The following POMGNT1 variants were observed in gnomAD, a reference collection of about 807,000 sequenced individuals.
POMGNT1 encodes the protein protein O-linked-mannose beta-1,2-N-acetylglucosaminyltransferase 1.
In POMGNT1, 67 loss-of-function variants were observed where a neutral mutation model predicts 95.6. That is an observed-to-expected ratio of 0.70 (90% CI 0.58 to 0.86). The LOEUF is 0.86. Ranked by LOEUF, POMGNT1 falls within the 40% of genes least tolerant of loss-of-function variation. The pLI is 0.00. For synonymous variants in POMGNT1, 298 were observed against 317.9 expected, an observed-to-expected ratio of 0.94 and a Z score of 0.66; for missense variants, 719 against 855.2, an observed-to-expected ratio of 0.84 and a Z score of 1.99.
In POMGNT1 at chr1:46,210,071, C is replaced by T. The variant is rs12239411; in HGVS notation, c.-51+9634G>A. On this transcript the variant is annotated intron_variant, in intron 1 of 22. Coordinates refer to the POMGNT1 transcript ENST00000371992. ...ATTGCAGTTATTTATGTTCATCTCC[C>T]CTTATTGAGACTGCAAGCTTCTATT... 8.3e-3 allele frequency among the ~76,000 whole-genome samples: 1,264 copies of T among 152,154 alleles called. 21 individuals carry two copies. Among genetic ancestry groups the T allele is most frequent in the Middle Eastern group, 0.037 (11 of 294 alleles).
rs943849237 is a variant in POMGNT1, at chr1:46,194,033, G to A, written c.880-108C>T. On this transcript the variant is annotated intron_variant, in intron 9 of 21. Transcript: ENST00000371984. Reference sequence around the variant, plus strand: ...GGTAGGTGCAGACTGGAGTAGACAGGGAAGGGATAGAGGATCTTCCCTGTT... The same window carrying A: ...GGTAGGTGCAGACTGGAGTAGACAGAGAAGGGATAGAGGATCTTCCCTGTT... The A allele has an allele frequency of 4.5e-6, 7 of 1,565,410 alleles. No individual in the cohort carries two copies. The African/African-American group carries it at 8.1e-5, about 18-fold the overall frequency.
intron 2 of POMGNT1, 67 bp from the exon 3 acceptor site, chr1:46,197,151 G>A: frequency 6.2e-7 from 1 of 1,611,704 alleles, no homozygotes; most frequent in Non-Finnish European, 8.5e-7. Flanking sequence ...CTTTCTGAAA[G>A]GAGGGCCCTG....
chr1:46,219,733 A>G lies in POMGNT1; in HGVS notation c.-79T>C, dbSNP rs140465444. 9.0e-4 allele frequency: 1,439 copies of G among 1,607,056 alleles called. 9 individuals carry two copies. The African/African-American group carries it at 0.016, about 18-fold the overall frequency. On this transcript the variant is annotated 5_prime_UTR_variant, in exon 1 of 23. Transcript: ENST00000371992. The stretch of plus-strand genomic sequence containing the variant: ...CGAGCCATCGATGTGAAGATCCTGC[A>G]GCAGCTGGTGACCTTGAATGAGGGC...
intron 1 of POMGNT1, among the ~76,000 whole-genome samples, chr1:46,216,043 C>CTTTTTTTTTT (rs141982741): frequency 3.6e-4 from 33 of 92,542 alleles, no homozygotes; most frequent in African/African-American, 5.2e-4. Flanking sequence ...TTTATTTTAT[C>CTTTTTTTTTT]TTTTTTTTTT....
In POMGNT1 at chr1:46,189,629, C is replaced by T. The variant is rs74585778; in HGVS notation, c.1786-62G>A. The T allele has an allele frequency of 5.0e-4, 781 of 1,568,440 alleles. 7 individuals are homozygous for T. The East Asian group carries it at 0.011, about 23-fold the overall frequency. On this transcript the variant is annotated intron_variant, in intron 20 of 21. Transcript: ENST00000371984. ...GAGAGCTGTAGGGAGGGGTCACTGA[C>T]GACCCTTTGGCCCAGCCCCCACCCC...
intron 1 of POMGNT1, among the ~76,000 whole-genome samples, chr1:46,207,240 C>G (rs2148238651): frequency 6.6e-6 from 1 of 152,226 alleles, no homozygotes; most frequent in South Asian, 2.1e-4. Flanking sequence ...GCCACCACAC[C>G]TAGCTAGCTT....
upstream of POMGNT1, chr1:46,198,527 C>T (rs1658419798): frequency 6.8e-6 from 1 of 146,460 alleles, no homozygotes; most frequent in Non-Finnish European, 1.4e-5. Flanking sequence ...AGGGCGGCGG[C>T]GGCGGCGGCG....
At chr1:46,190,624 G>C in intron 18 of POMGNT1, 96 bp downstream of exon 18, 1 of 1,530,772 alleles carries the variant, frequency 6.5e-7, no homozygotes, top group South Asian at 1.1e-5. Context: ...CCGCAGGGCT[G>C]GAGTAAACAC....
Position 46,194,640 on chromosome 1 carries a change from C to T in POMGNT1, c.664G>A (p.Gly222Arg), listed in dbSNP as rs146965084. ...FVGRKGGPVF[G>R]EKHSKSPALS... ...GCAGGTGATTTAGAATGTTTCTCCC[C>T]GAAGACAGGACCTGGCAGGAGGCAG... Residue 222 changes from glycine to arginine, a missense_variant, in exon 8 of 22, where the codon GGG becomes AGG. By Grantham distance (125) the Gly-to-Arg change is moderately radical (BLOSUM62 -2). Transcript: ENST00000371984. 2.4e-5 allele frequency: 38 copies of T among 1,614,096 alleles called. No homozygotes were observed. Among genetic ancestry groups the T allele is most frequent in the Middle Eastern group, 1.6e-4 (1 of 6,084 alleles).
chr1:46,192,467 T>C (rs547199342), intron 15 of POMGNT1, 31 bp from the exon 16 acceptor site: 1 of 1,614,152 alleles, frequency 6.2e-7, no homozygotes, highest in Admixed American at 1.7e-5. Context: ...TGGGAGGTAT[T>C]AGCTGAGGCC....
intron 1 of POMGNT1, among the ~76,000 whole-genome samples, chr1:46,210,832 T>G (rs1005645286): frequency 1.3e-4 from 20 of 152,118 alleles, no homozygotes; most frequent in African/African-American, 4.1e-4. Context: ...TGGAGTACAG[T>G]GGCTCAATCA....
At chr1:46,192,662 G>A in intron 14 of POMGNT1, 72 bp from the exon 15 acceptor site, 1 of 1,603,570 alleles carries the variant, frequency 6.2e-7, no homozygotes, top group Middle Eastern at 1.7e-4. Flanking sequence ...TGCTAGAATT[G>A]CTGGAGCTGG....
At chr1:46,200,186 T>A (rs551008795), upstream of POMGNT1, among the ~76,000 whole-genome samples, 2 of 152,140 alleles carry the variant, frequency 1.3e-5, no homozygotes, top group Non-Finnish European at 2.9e-5. Flanking sequence ...AAAATAAAAA[T>A]AAATAATTAA....
upstream of POMGNT1, among the ~76,000 whole-genome samples, chr1:46,198,671 C>A (rs1023991099): frequency 1.3e-5 from 2 of 152,160 alleles, no homozygotes; most frequent in African/African-American, 4.8e-5. Flanking sequence ...CCAGCACCGC[C>A]GATGGCAAGC....
chr1:46,192,442 G>A lies in POMGNT1; in HGVS notation c.1285-6C>T, dbSNP rs377292905. 2.4e-5 allele frequency: 38 copies of A among 1,614,124 alleles called. No individual in the cohort carries two copies. The African/African-American group carries it at 3.1e-4, about 13-fold the overall frequency. On this transcript the variant is annotated splice_polypyrimidine_tract_variant and splice_region_variant and intron_variant, in intron 15 of 21. Transcript: ENST00000371984. ...TCAGCCGTGTGTTCATACCCCTGGGGACAGGGTGCCATAGTGGGAGGTATT... is the reference window on the plus strand; with the variant it reads ...TCAGCCGTGTGTTCATACCCCTGGGAACAGGGTGCCATAGTGGGAGGTATT...
At position 46,196,883 on chromosome 1, in the gene POMGNT1, C is replaced by T; in HGVS notation, c.236-34G>A. 6.2e-7 allele frequency: 1 copy of T among 1,614,170 alleles called. No homozygotes were observed. Among genetic ancestry groups the T allele is most frequent in the Non-Finnish European group, 8.5e-7 (1 of 1,180,026 alleles). ...TACAACAGGTCATGGAGATAGTCTC[C>T]TCAGCAGAGTCTCACCGCTTAGGGT... On this transcript the variant is annotated intron_variant, in intron 3 of 21. Transcript: ENST00000371984. The surrounding 1 kb of genome is among the most constrained non-coding windows in gnomAD (Gnocchi z 4.4).
In POMGNT1 at chr1:46,196,112, C is replaced by G; in HGVS notation, c.355-35G>C. 6.2e-7 allele frequency: 1 copy of G among 1,613,572 alleles called. No individual in the cohort carries two copies. Among genetic ancestry groups the G allele is most frequent in the Admixed American group, 1.7e-5 (1 of 60,028 alleles). ...GGCAGAGACAAAGTCCAGCTTTTCA[C>G]TCTGGCATTCAAGGTGTCTCTGTCT... On this transcript the variant is annotated intron_variant, in intron 4 of 21. Coordinates refer to ENST00000371984, the MANE Select transcript of POMGNT1 (RefSeq NM_017739.4). The surrounding 1 kb of genome is among the most constrained non-coding windows in gnomAD (Gnocchi z 4.4).
At position 46,194,245 on chromosome 1, in the gene POMGNT1, A is replaced by G. The variant is rs769073972; in HGVS notation, c.879+29T>C. On this transcript the variant is annotated intron_variant, in intron 9 of 21. Transcript: ENST00000371984. Reference sequence around the variant, plus strand: ...CCCCTGCTGAGCTGGGAAGGAGTCCAAACCTCACTGTCTTAAGGCCCCACT... The same window carrying G: ...CCCCTGCTGAGCTGGGAAGGAGTCCGAACCTCACTGTCTTAAGGCCCCACT... The G allele has an allele frequency of 8.1e-6, 13 of 1,614,034 alleles. No individual in the cohort carries two copies. In the African/African-American group the frequency reaches 1.6e-4, roughly 20 times the overall value.
Position 46,196,320 on chromosome 1 carries a change from C to T in POMGNT1, c.355-243G>A, listed in dbSNP as rs535549024. Among the ~76,000 whole-genome samples, 1 of 152,336 alleles carries T rather than the reference C, an allele frequency of 6.6e-6. No individual in the cohort carries two copies. The highest frequency in any genetic ancestry group is 1.9e-4 in the East Asian group (1 of 5,190). On this transcript the variant is annotated intron_variant, in intron 4 of 21. Transcript: ENST00000371984. This position sits in a 1 kb window ranked among gnomAD's most constrained non-coding sequence, Gnocchi z 4.4. The stretch of plus-strand genomic sequence containing the variant: ...CCATGACTTTCATGGCTCTTAGAGC[C>T]TCTGCTGTCTCTGCTTCATCCTGGA...
Sources: gnomAD v4.1 joint callset for allele counts (sites outside exome capture counted in the v4.1 genomes callset) on GRCh38, gnomAD v4.1.1 for gene constraint, Gnocchi (gnomAD v3.1) non-coding constraint, MANE v1.5 for transcripts, NCBI Gene and HGNC (gene_info 2026-07-23, HGNC 2026-07-21) for gene names.